The following SLC9A8 variants were observed in gnomAD, a reference collection of about 807,000 sequenced individuals.
SLC9A8 encodes sodium/hydrogen exchanger 8.
In SLC9A8, 48 loss-of-function variants were observed where a neutral mutation model predicts 66.6. That is an observed-to-expected ratio of 0.72 (90% CI 0.57 to 0.92). The LOEUF (loss-of-function observed/expected upper bound fraction) is 0.92. Ranked by LOEUF, SLC9A8 falls within the 40% of genes least tolerant of loss-of-function variation. The pLI is 0.00. For missense variants in SLC9A8, 599 were observed against 747.3 expected (o/e 0.80, Z 2.31); for synonymous variants, 274 against 282.6 (o/e 0.97, Z 0.31).
At chr20:49,849,445 T>G (rs2088153870) in intron 5 of SLC9A8, 134 bp from the exon 6 acceptor site, 1 of 661,692 alleles carries the variant, frequency 1.5e-6, no homozygotes, top group Non-Finnish European at 2.7e-6. Context: ...GGCTCCCAGC[T>G]TGCCACACAG....
intron 14 of SLC9A8, among the ~76,000 whole-genome samples, chr20:49,884,336 A>ACACACACACACC (rs1568884621): frequency 2.8e-5 from 3 of 108,500 alleles, no homozygotes; most frequent in Non-Finnish European, 3.9e-5. Context: ...ACACACACAC[A>ACACACACACACC]CCCCCCGGTC....
At chr20:49,835,466 A>C (rs1406996368) in intron 3 of SLC9A8, among the ~76,000 whole-genome samples, 3 of 152,036 alleles carry the variant, frequency 2.0e-5, no homozygotes, top group Non-Finnish European at 4.4e-5. Flanking sequence ...GAACATTTTC[A>C]TTACCCCAAA....
chr20:49,839,865 C>G (rs1472442732), intron 4 of SLC9A8, among the ~76,000 whole-genome samples: 1 of 152,002 alleles, frequency 6.6e-6, no homozygotes, highest in Non-Finnish European at 1.5e-5. Flanking sequence ...CTAGACTAAC[C>G]TACTTTTTTA....
intron 2 of SLC9A8, 94 bp from the exon 3 acceptor site, chr20:49,822,967 A>AC (rs35589531): frequency 9.8e-5 from 95 of 971,290 alleles, no homozygotes; most frequent in Middle Eastern, 6.1e-4. Flanking sequence ...TTCTGTGAGG[A>AC]CCCCCCCAGA....
chr20:49,814,958 T>C (rs1284719425), intron 1 of SLC9A8, 50 bp from the exon 2 acceptor site: 4 of 1,396,184 alleles, frequency 2.9e-6, no homozygotes, highest in Non-Finnish European at 1.9e-6. Flanking sequence ...TGTGAATTGA[T>C]GTTTTGGGAC....
chr20:49,830,878 A>C lies in SLC9A8; in HGVS notation c.289+7737A>C, dbSNP rs41283580. The C allele has an allele frequency of 3.5e-3, 4,620 of 1,329,414 alleles. 18 individuals carry two copies. Among genetic ancestry groups the C allele is most frequent in the Non-Finnish European group, 4.6e-3 (4,208 of 923,828 alleles). 82.4% of individuals were successfully genotyped at this position (1,329,414 alleles called of 1,614,324 possible). A position where few individuals can be genotyped will look rare whatever the true frequency, so the allele number is the denominator to read the frequency against. On this transcript the variant is annotated intron_variant, in intron 3 of 15. Coordinates refer to ENST00000361573, the MANE Select transcript of SLC9A8 (RefSeq NM_015266.3). The stretch of plus-strand genomic sequence containing the variant: ...CAGTTGGCCAGCATCTTCCTAGACC[A>C]GAAGTGCCAAAATACCCTGCAAGGA...
intron 10 of SLC9A8, among the ~76,000 whole-genome samples, chr20:49,870,547 C>T (rs750336256): frequency 1.3e-5 from 2 of 152,088 alleles, no homozygotes; most frequent in South Asian, 2.1e-4. Context: ...GTGGCCAGGA[C>T]GCTGCCTCAC....
intron 8 of SLC9A8, among the ~76,000 whole-genome samples, chr20:49,862,081 C>T (rs1380682499): frequency 6.6e-6 from 1 of 151,104 alleles, no homozygotes; most frequent in Non-Finnish European, 1.5e-5. Context: ...ACTGTCCCAC[C>T]CCCACCCCAC....
chr20:49,855,743 G>C (rs2088451258), intron 8 of SLC9A8, among the ~76,000 whole-genome samples, 162 bp downstream of exon 8: 1 of 152,182 alleles, frequency 6.6e-6, no homozygotes, highest in Non-Finnish European at 1.5e-5. Flanking sequence ...GACAAGCCTT[G>C]ATGTGCTGCA....
chr20:49,828,072 AATTT>A (rs2086988477), intron 3 of SLC9A8, among the ~76,000 whole-genome samples: 1 of 143,078 alleles, frequency 7.0e-6, no homozygotes. Context: ...ACCAAAAAAA[AATTT>A]TTTTTTTTTT....
rs1306171045 is a variant in SLC9A8, at chr20:49,815,032, G to A, written c.51G>A (p.Glu17=). ...EEERFPNTTH[E]GFNVTLHTTL... The stretch of plus-strand genomic sequence containing the variant: ...GGAGGTTCCCCAATACAACTCATGA[G>A]GGTTTCAATGTCACCCTCCACACCA... Residue 17 remains glutamate, a synonymous_variant, in exon 2 of 16, where the codon GAG becomes GAA. Transcript: ENST00000361573. The A allele has an allele frequency of 6.3e-7, 1 of 1,595,204 alleles. No homozygotes were observed. The highest frequency in any genetic ancestry group is 2.3e-5 in the East Asian group (1 of 43,484).
At chr20:49,825,638 G>A (rs1391463146) in intron 3 of SLC9A8, among the ~76,000 whole-genome samples, 6 of 152,064 alleles carry the variant, frequency 3.9e-5, no homozygotes, top group Non-Finnish European at 5.9e-5. Context: ...GCAAGACTCT[G>A]TCTCAAAACA....
chr20:49,873,663 T>A (rs1244308155), intron 10 of SLC9A8, among the ~76,000 whole-genome samples: 1 of 148,116 alleles, frequency 6.8e-6, no homozygotes, highest in East Asian at 2.0e-4. Flanking sequence ...CCCAGCTACT[T>A]GGGAGGCCGA....
Position 49,874,853 on chromosome 20 carries a change from G to A in SLC9A8, c.1075+32G>A, listed in dbSNP as rs766705851. On this transcript the variant is annotated intron_variant, in intron 11 of 15. Transcript: ENST00000361573. ...TCTGCTTCTGTGTGGCCGTGAGCAG[G>A]CCCACCCAGAGCTGATCTTGCTTCC... is the stretch of plus-strand genomic sequence containing the variant. 12 of 1,414,906 alleles carry A rather than the reference G, an allele frequency of 8.5e-6. No homozygotes were observed. In the South Asian group the frequency reaches 1.1e-4, roughly 14 times the overall value. The allele number at this position is 1,414,906 out of a possible 1,614,324, so 87.6% of individuals were successfully genotyped here. A position where few individuals can be genotyped will look rare whatever the true frequency, so the allele number is the denominator to read the frequency against.
At chr20:49,863,153 G>A (rs1321653125) in intron 9 of SLC9A8, 86 bp downstream of exon 9, 1 of 1,264,546 alleles carries the variant, frequency 7.9e-7, no homozygotes, top group Non-Finnish European at 1.1e-6. Flanking sequence ...TTTTTTAAGG[G>A]GGCCAATTTT....
intron 14 of SLC9A8, among the ~76,000 whole-genome samples, chr20:49,884,333 CACA>C (rs1568884573): frequency 1.2e-4 from 16 of 133,970 alleles, no homozygotes; most frequent in Non-Finnish European, 1.6e-4. Flanking sequence ...CACACACACA[CACA>C]CCCCCCGGTC....
chr20:49,870,521 G>T (rs1014118923), intron 10 of SLC9A8, among the ~76,000 whole-genome samples: 1 of 152,184 alleles, frequency 6.6e-6, no homozygotes, highest in Non-Finnish European at 1.5e-5. Flanking sequence ...GCTCCAGGAA[G>T]AGAAGGAAGA....
At position 49,886,541 on chromosome 20, in the gene SLC9A8, G is replaced by A; in HGVS notation, c.1492-211G>A. The A allele has an allele frequency of 1.8e-6, 1 of 549,518 alleles. No homozygotes were observed. Among genetic ancestry groups the A allele is most frequent in the Non-Finnish European group, 3.2e-6 (1 of 312,364 alleles). The allele number at this position is 549,518 out of a possible 1,614,324, so 34.0% of individuals were successfully genotyped here. On this transcript the variant is annotated intron_variant, in intron 14 of 15. Transcript: ENST00000361573. This position sits in a 1 kb window ranked among gnomAD's most constrained non-coding sequence, Gnocchi z 4.8. ...AGTCCTTCTGTTTTAGCTGTCCTAG[G>A]TGGGGTCCTGGGCATCCATTGTGCC...
At chr20:49,842,979 T>A (rs1321909987) in intron 4 of SLC9A8, among the ~76,000 whole-genome samples, 1 of 152,204 alleles carries the variant, frequency 6.6e-6, no homozygotes, top group East Asian at 1.9e-4. Flanking sequence ...TCCACGTGTC[T>A]ATGTGCCTTG....
Sources: allele counts gnomAD v4.1 joint callset (sites outside exome capture counted in the v4.1 genomes callset), GRCh38; gene constraint gnomAD v4.1.1; non-coding constraint Gnocchi (gnomAD v3.1); transcripts MANE v1.5; gene names NCBI Gene and HGNC (gene_info 2026-07-23, HGNC 2026-07-21).